Variants in VWF observed in about 807,000 individuals in gnomAD.
The protein encoded by VWF is von Willebrand factor.
VWF carries 176 observed loss-of-function variants against 308.6 expected under a neutral mutation model. The ratio of observed to expected loss-of-function variants is 0.57; its 90% CI spans 0.50 to 0.65. The LOEUF (loss-of-function observed/expected upper bound fraction) is 0.65. VWF is among the 30% of genes least tolerant of loss of function. The probability of loss-of-function intolerance (pLI) is 0.00; values close to 1 mark genes in which losing one functional copy is unlikely to be tolerated. For missense variants in VWF, 3,146 were observed against 3,648.2 expected, an observed-to-expected ratio of 0.86 and a Z score of 3.55; for synonymous variants, 1,385 against 1,443.4, an observed-to-expected ratio of 0.96 and a Z score of 0.92.
chr12:6,080,901 G>A (rs1944902116), intron 6 of VWF, among the ~76,000 whole-genome samples: 2 of 152,106 alleles, frequency 1.3e-5, no homozygotes, highest in South Asian at 2.1e-4. Flanking sequence ...GCTTAGAAAC[G>A]GCTCCGTGTG....
intron 15 of VWF, among the ~76,000 whole-genome samples, chr12:6,054,396 C>G (rs1282167798): frequency 1.3e-5 from 2 of 152,170 alleles, no homozygotes; most frequent in African/African-American, 2.4e-5. Flanking sequence ...ACCACCTGAG[C>G]CTACAATGAC....
At chr12:6,095,632 C>T in intron 5 of VWF, 48 bp from the exon 6 acceptor site, 2 of 1,613,560 alleles carry the variant, frequency 1.2e-6, no homozygotes, top group Non-Finnish European at 1.7e-6. Context: ...ATGCCTGTCC[C>T]AGAACTTCTG....
intron 6 of VWF, among the ~76,000 whole-genome samples, chr12:6,085,749 A>C (rs924737952): frequency 2.6e-5 from 4 of 151,810 alleles, no homozygotes; most frequent in Admixed American, 2.6e-4. Context: ...GGGCAAGGAG[A>C]GAGCGAGCAT....
intron 34 of VWF, among the ~76,000 whole-genome samples, chr12:6,000,536 G>A (rs1048845041): frequency 6.6e-6 from 1 of 152,086 alleles, no homozygotes; most frequent in African/African-American, 2.4e-5. Context: ...ACCCAGGCGC[G>A]GTGGCTCACG....
chr12:6,095,410 AT>A (rs1400883406), intron 6 of VWF, 49 bp downstream of exon 6: 1 of 1,613,368 alleles, frequency 6.2e-7, no homozygotes. Flanking sequence ...TGTCTTTTAG[AT>A]CCAGAAATCA....
chr12:6,067,174 G>A (rs887087368), intron 10 of VWF, among the ~76,000 whole-genome samples: 9 of 152,228 alleles, frequency 5.9e-5, no homozygotes, highest in African/African-American at 2.2e-4. Context: ...TTCTGGATGT[G>A]CTGTAATTTC....
At position 6,020,868 on chromosome 12, in the gene VWF, G is replaced by A. The variant is rs1944122276; in HGVS notation, c.3674+1032C>T. ...CACCGTGGCAGCTGCCCCTGCCCGT[G>A]TGCCAGCAAAGGAGGTGGGGAGAGG... On this transcript the variant is annotated intron_variant, in intron 27 of 51. Transcript: ENST00000261405. This position sits in a 1 kb window ranked among gnomAD's most constrained non-coding sequence, Gnocchi z 4.3. Among the ~76,000 whole-genome samples, 2 of 152,232 alleles carry A rather than the reference G, an allele frequency of 1.3e-5. No individual in the cohort carries two copies. The highest frequency in any genetic ancestry group is 6.5e-5 in the Admixed American group (1 of 15,280).
chr12:6,046,843 G>C lies in VWF; in HGVS notation c.2187-26C>G, dbSNP rs1399389185. Reference sequence around the variant, plus strand: ...CTGCAGAGAAGAAAATCATAGCCGAGCTTCACGAGACTCGTCTATACTCGC... The same window carrying C: ...CTGCAGAGAAGAAAATCATAGCCGACCTTCACGAGACTCGTCTATACTCGC... On this transcript the variant is annotated intron_variant, in intron 16 of 51. Coordinates refer to ENST00000261405, the MANE Select transcript of VWF (RefSeq NM_000552.5). The surrounding 1 kb of genome is among the most constrained non-coding windows in gnomAD (Gnocchi z 5.0). 1 of 1,608,264 alleles carries C rather than the reference G, an allele frequency of 6.2e-7. No homozygotes were observed. Among genetic ancestry groups the C allele is most frequent in the Admixed American group, 1.7e-5 (1 of 59,988 alleles).
intron 15 of VWF, among the ~76,000 whole-genome samples, chr12:6,056,109 G>A (rs989428280): frequency 3.4e-5 from 5 of 148,976 alleles, no homozygotes; most frequent in African/African-American, 1.2e-4. Context: ...AGCCTTCCTT[G>A]GTTTTCCCTG....
chr12:6,011,786 G>C lies in VWF; in HGVS notation c.5673C>G (p.Asp1891Glu), dbSNP rs369450995. Residue 1891 changes from aspartate to glutamate, a missense_variant, in exon 34 of 52, where the codon GAC becomes GAG. This residue lies in a region of VWF where 853 missense variants were observed against 1,177.8 expected (regional missense o/e 0.72). Coordinates refer to ENST00000261405, the MANE Select transcript of VWF (RefSeq NM_000552.5). ...GGCACTGGTCTGGCAAGGTCCAGACGTCCCCGGGCTGCAGAAGAAAACAGC... is the reference window on the plus strand; with the variant it reads ...GGCACTGGTCTGGCAAGGTCCAGACCTCCCCGGGCTGCAGAAGAAAACAGC... ...DEDGNEKRPG[D>E]VWTLPDQCHT... 9.4e-5 allele frequency: 152 copies of C among 1,609,476 alleles called. No individual in the cohort carries two copies. Among genetic ancestry groups the C allele is most frequent in the Non-Finnish European group, 1.2e-4 (146 of 1,176,498 alleles).
In VWF at chr12:6,103,504, G is replaced by A. The variant is rs772575558; in HGVS notation, c.532+6870C>T. Among the ~76,000 whole-genome samples the A allele has an allele frequency of 3.7e-4, 38 of 103,884 alleles. 2 individuals carry two copies. Among genetic ancestry groups the A allele is most frequent in the Admixed American group, 1.6e-3 (18 of 11,008 alleles). 68.2% of individuals were successfully genotyped at this position (103,884 alleles called of 152,430 possible). A position where few individuals can be genotyped will look rare whatever the true frequency, so the allele number is the denominator to read the frequency against. On this transcript the variant is annotated intron_variant, in intron 5 of 51. Coordinates refer to ENST00000261405, the MANE Select transcript of VWF (RefSeq NM_000552.5). ...TATACATATATGTGTATACACACAC[G>A]TATATATATACACACATATGTGTAT...
At chr12:6,088,854 A>G (rs1322102168) in intron 6 of VWF, among the ~76,000 whole-genome samples, 3 of 152,250 alleles carry the variant, frequency 2.0e-5, no homozygotes, top group Non-Finnish European at 4.4e-5. Flanking sequence ...CAAGGCCATT[A>G]TCAGTCCCAG....
rs1014100882 is a variant in VWF at position 6,021,963 on chromosome 12, C to T, written c.3611G>A (p.Arg1204Gln). 11 of 1,614,038 alleles carry T rather than the reference C, an allele frequency of 6.8e-6. No individual in the cohort carries two copies. In the African/African-American group the frequency reaches 8.0e-5, roughly 12 times the overall value. ...GACTTTCTTTCCTGAGGCAAAACGCCGGCCAGCCACCTCACACACTGGACA... is the reference window on the plus strand; with the variant it reads ...GACTTTCTTTCCTGAGGCAAAACGCTGGCCAGCCACCTCACACACTGGACA... ...EDCPVCEVAG[R>Q]RFASGKKVTL... Residue 1204 changes from arginine (R) to glutamine (Q), a missense_variant, in exon 27 of 52, where the codon CGG becomes CAG. By Grantham distance (43) the Arg-to-Gln change is conservative (BLOSUM62 1). Around this residue, in one of 3 missense-constraint regions of VWF, gnomAD observed 853 missense variants for 1,177.8 expected, o/e 0.72. Coordinates refer to ENST00000261405, the MANE Select transcript of VWF (RefSeq NM_000552.5).
chr12:6,072,342 G>A lies in VWF; in HGVS notation c.1098C>T (p.Asp366=), dbSNP rs745805859. The part of the protein sequence containing the change: ...RYPPGTSLSR[D]CNTCICRNSQ... ...GCAGCCCCCATTACCAGGTGTTGCA[G>A]TCTCGAGAGAGGGAGGTGCCGGGAG... Residue 366 remains aspartate (D), a synonymous_variant, in exon 9 of 52, where the codon GAC becomes GAT. Transcript: ENST00000261405. The A allele has an allele frequency of 1.2e-5, 19 of 1,613,944 alleles. No individual in the cohort carries two copies. The highest frequency in any genetic ancestry group is 1.7e-5 in the Admixed American group (1 of 60,010).
intron 34 of VWF, among the ~76,000 whole-genome samples, chr12:5,998,791 G>T (rs996838377): frequency 1.3e-5 from 2 of 151,896 alleles, no homozygotes; most frequent in Non-Finnish European, 2.9e-5. Context: ...GCAATGGCGC[G>T]ATCTTGGCTC....
rs1308660308 is a variant in VWF at position 6,013,566 on chromosome 12, G to A, written c.5535C>T (p.Asp1845=). The A allele has an allele frequency of 6.2e-7, 1 of 1,614,056 alleles. No homozygotes were observed. The highest frequency in any genetic ancestry group is 1.7e-5 in the Admixed American group (1 of 60,016). The part of the protein sequence containing the change: ...QLRILAGPAG[D]SNVVKLQRIE... ...TTCGCTGGAGCTTCACCACGTTGGA[G>A]TCGCCTGCTGGGCCTGCCAAGATCC... is the stretch of plus-strand genomic sequence containing the variant. Residue 1845 remains aspartate (D), a synonymous_variant, in exon 32 of 52, where the codon GAC becomes GAT. Transcript: ENST00000261405.
chr12:5,993,903 G>A lies in VWF; in HGVS notation c.6557C>T (p.Thr2186Ile). 6.2e-7 allele frequency: 1 copy of A among 1,613,846 alleles called. No homozygotes were observed. The highest frequency in any genetic ancestry group is 1.3e-5 in the African/African-American group (1 of 74,998). ...CCTCCAGTCAACGCAGACCCCGTTG[G>A]TCCGACAGAGGTGGGCATAAGAGGC... ...VIASYAHLCR[T>I]NGVCVDWRTP... The change falls in exon 37 of 52, where the codon ACC (threonine) becomes ATC (isoleucine). Residue 2186 changes from threonine to isoleucine, a missense_variant. By Grantham distance (89) the Thr-to-Ile change is moderately conservative (BLOSUM62 -1). Transcript: ENST00000261405.
Position 5,994,195 on chromosome 12 carries a change from C to A in VWF, c.6265G>T (p.Asp2089Tyr), listed in dbSNP as rs984855564. The A allele has an allele frequency of 9.3e-6, 15 of 1,613,988 alleles. No individual in the cohort carries two copies. In the African/African-American group the frequency reaches 1.6e-4, roughly 17 times the overall value. The change falls in exon 37 of 52, where the codon GAT (aspartate) becomes TAT (tyrosine). Residue 2089 changes from aspartate (D) to tyrosine (Y), a missense_variant. By Grantham distance (160) the Asp-to-Tyr change is radical. This residue lies in a region of VWF where 989 missense variants were observed against 1,117.4 expected (regional missense o/e 0.89). Transcript: ENST00000261405. ...SKTYGLCGIC[D>Y]ENGANDFMLR... The stretch of plus-strand genomic sequence containing the variant: ...ATGAAGTCATTGGCTCCGTTCTCAT[C>A]ACAGATCCCTAGAGAAACAAACAAA...
At chr12:5,999,471 T>TACACACACACACAC (rs3062521) in intron 34 of VWF, among the ~76,000 whole-genome samples, 38 of 143,654 alleles carry the variant, frequency 2.6e-4, no homozygotes, top group African/African-American at 8.3e-4. Context: ...TGTACACACA[T>TACACACACACACAC]ACACACACAC....
Sources: allele counts gnomAD v4.1 joint callset (sites outside exome capture counted in the v4.1 genomes callset), GRCh38; gene constraint gnomAD v4.1.1; regional missense constraint gnomAD v4.1.1; non-coding constraint Gnocchi (gnomAD v3.1); transcripts MANE v1.5; gene names NCBI Gene and HGNC (gene_info 2026-07-23, HGNC 2026-07-21).